FTCDNL1: variants seen among roughly 807,000 people sequenced by gnomAD.
FTCDNL1 encodes formiminotransferase N-terminal subdomain-containing protein.
Under a neutral mutation model 5.9 loss-of-function variants are expected in FTCDNL1, and 11 were observed. The ratio of observed to expected loss-of-function variants is 1.87; its 90% CI spans 1.18 to 3.10. The LOEUF is 3.10. Among genes scored for constraint, FTCDNL1 ranks in the 30% most tolerant of loss-of-function variants. The probability of loss-of-function intolerance (pLI) is 0.00; values close to 1 mark genes in which losing one functional copy is unlikely to be tolerated. For missense variants in FTCDNL1, 115 were observed against 65.5 expected (o/e 1.76, Z -2.61); for synonymous variants, 58 against 24.8 (o/e 2.34, Z -3.99).
chr2:199,697,216 G>A, the FTCDNL1 span, among the ~76,000 whole-genome samples: 1 of 152,154 alleles, frequency 6.6e-6, no homozygotes, highest in Non-Finnish European at 1.5e-5. Flanking sequence ...AGCTTGCAAT[G>A]AGCAGAGATC....
At chr2:199,773,524 G>A (rs1297069057) in intron 3 of FTCDNL1, among the ~76,000 whole-genome samples, 1 of 152,174 alleles carries the variant, frequency 6.6e-6, no homozygotes, top group Non-Finnish European at 1.5e-5. Context: ...ATATATATTT[G>A]CCATGATTTT....
At chr2:199,740,317 A>G in the FTCDNL1 span, among the ~76,000 whole-genome samples, 1 of 152,226 alleles carries the variant, frequency 6.6e-6, no homozygotes. Context: ...AAAACTCTGC[A>G]GGTGTTAATA....
chr2:199,844,511 C>T (rs2076676959), intron 3 of FTCDNL1: 3 of 643,152 alleles, frequency 4.7e-6, no homozygotes, highest in Admixed American at 2.2e-5. Flanking sequence ...GGCCTCTAGG[C>T]AGGCAGCCAG....
At chr2:199,715,861 C>A in the FTCDNL1 span, among the ~76,000 whole-genome samples, 1 of 152,068 alleles carries the variant, frequency 6.6e-6, no homozygotes, top group South Asian at 2.1e-4. Flanking sequence ...CAGGAACAGG[C>A]CCCTAGAGCA....
the FTCDNL1 span, among the ~76,000 whole-genome samples, chr2:199,723,401 C>A: frequency 4.6e-5 from 7 of 151,972 alleles, no homozygotes; most frequent in Non-Finnish European, 8.8e-5. Flanking sequence ...ATTGCCCTGG[C>A]CAGAACTTCC....
At chr2:199,698,700 C>T in the FTCDNL1 span, among the ~76,000 whole-genome samples, 2 of 152,106 alleles carry the variant, frequency 1.3e-5, no homozygotes, top group African/African-American at 2.4e-5. Context: ...AACAACCTAA[C>T]ATCATACCCA....
chr2:199,835,837 A>G (rs1702694499), intron 3 of FTCDNL1, among the ~76,000 whole-genome samples: 1 of 152,206 alleles, frequency 6.6e-6, no homozygotes, highest in Non-Finnish European at 1.5e-5. Context: ...AGTGTTGTAG[A>G]TATCTACTGA....
At chr2:199,720,585 A>G in the FTCDNL1 span, among the ~76,000 whole-genome samples, 1 of 152,182 alleles carries the variant, frequency 6.6e-6, no homozygotes, top group African/African-American at 2.4e-5. Context: ...GGCCTGTGAC[A>G]GCATAACTCC....
the FTCDNL1 span, among the ~76,000 whole-genome samples, chr2:199,725,204 C>T: frequency 6.6e-6 from 1 of 152,100 alleles, no homozygotes; most frequent in Non-Finnish European, 1.5e-5. Context: ...AGGATTGCAA[C>T]CCCTGGTTTT....
chr2:199,833,617 A>C (rs1702523111), intron 3 of FTCDNL1, among the ~76,000 whole-genome samples: 1 of 152,238 alleles, frequency 6.6e-6, no homozygotes. Context: ...CCCCACAGCA[A>C]CAAAGAGTTA....
chr2:199,784,380 G>T (rs988603018), intron 3 of FTCDNL1, among the ~76,000 whole-genome samples: 5 of 152,082 alleles, frequency 3.3e-5, no homozygotes, highest in African/African-American at 1.2e-4. Context: ...GTATGCCAGG[G>T]GCTCTCAGTG....
chr2:199,813,912 C>CAAAAAAA (rs397987315), intron 4 of FTCDNL1, among the ~76,000 whole-genome samples: 11 of 106,362 alleles, frequency 1.0e-4, no homozygotes, highest in East Asian at 2.8e-4. Flanking sequence ...GACTCTGTCT[C>CAAAAAAA]AAAAAAAAAA....
chr2:199,792,079 T>C (rs988003749), intron 3 of FTCDNL1, among the ~76,000 whole-genome samples: 4 of 152,082 alleles, frequency 2.6e-5, no homozygotes, highest in Non-Finnish European at 5.9e-5. Flanking sequence ...CCATTCAATT[T>C]TATGTGTAAA....
At chr2:199,665,669 G>A in the FTCDNL1 span, among the ~76,000 whole-genome samples, 2 of 19,532 alleles carry the variant, frequency 1.0e-4, no homozygotes, top group Non-Finnish European at 3.0e-4. Flanking sequence ...AAGAAAGAAA[G>A]AAGAGAACGG....
At chr2:199,709,329 A>G in the FTCDNL1 span, among the ~76,000 whole-genome samples, 2 of 152,102 alleles carry the variant, frequency 1.3e-5, no homozygotes, top group African/African-American at 4.8e-5. Context: ...ATTACATTGT[A>G]TGGGGATAAT....
At chr2:199,683,263 C>T in the FTCDNL1 span, among the ~76,000 whole-genome samples, 5 of 152,040 alleles carry the variant, frequency 3.3e-5, no homozygotes, top group South Asian at 2.1e-4. Context: ...TATATTAAAA[C>T]GGAGTTTGTA....
At position 199,767,767 on chromosome 2, in the gene FTCDNL1, A is replaced by T. The variant is rs1258327548; in HGVS notation, c.212-6932T>A. 2.0e-5 allele frequency among the ~76,000 whole-genome samples: 3 copies of T among 152,214 alleles called. No homozygotes were observed. In the East Asian group the frequency reaches 5.8e-4, roughly 29 times the overall value. On this transcript the variant is annotated intron_variant, in intron 3 of 3. Coordinates refer to the FTCDNL1 transcript ENST00000416668. ...GAGAGCAAGTCCTCACCAGACACCAAATCTGTCAGAACCTTAATCTTGGAC... is the reference window on the plus strand; with the variant it reads ...GAGAGCAAGTCCTCACCAGACACCATATCTGTCAGAACCTTAATCTTGGAC...
Position 199,811,763 on chromosome 2 carries a change from CT to C in FTCDNL1, c.*941del. On this transcript the variant is annotated 3_prime_UTR_variant, in exon 5 of 5. Coordinates refer to ENST00000420128, the MANE Select transcript of FTCDNL1 (RefSeq NM_001363886.2). ...CCATTGCATGTCTAATAACTTCCCC[CT>C]GTTAGTAGAATTTCCAAAGTTGATC... Among the ~76,000 whole-genome samples, 1 of 151,562 alleles carries C rather than the reference CT, an allele frequency of 6.6e-6. No homozygotes were observed. The highest frequency in any genetic ancestry group is 2.4e-4 in the South Asian group (1 of 4,116).
At chr2:199,844,964 T>C (rs1028009230) in intron 3 of FTCDNL1, among the ~76,000 whole-genome samples, 4 of 152,120 alleles carry the variant, frequency 2.6e-5, no homozygotes, top group Non-Finnish European at 1.5e-5. Flanking sequence ...TTGCCCAGGC[T>C]GGTCTCAAAC....
Sources: allele counts gnomAD v4.1 joint callset (sites outside exome capture counted in the v4.1 genomes callset), GRCh38; gene constraint gnomAD v4.1.1; transcripts MANE v1.5; gene names NCBI Gene and HGNC (gene_info 2026-07-23, HGNC 2026-07-21).